ADGRB3: variants seen among roughly 807,000 people sequenced by gnomAD.
The protein encoded by ADGRB3 is brain-specific angiogenesis inhibitor 3.
ADGRB3 carries 37 observed loss-of-function variants against 193.4 expected under a neutral mutation model. The observed-to-expected ratio is 0.19, with a 90% CI of 0.15 to 0.25. The LOEUF (loss-of-function observed/expected upper bound fraction) is 0.25. Ranked by LOEUF, ADGRB3 falls within the 10% of genes least tolerant of loss-of-function variation. The pLI is 1.00. For synonymous variants in ADGRB3, 690 were observed against 644.2 expected (o/e 1.07, Z -1.08); for missense variants, 1,637 against 1,852.9 (o/e 0.88, Z 2.14).
chr6:68,989,112 A>T (rs1769161539), intron 10 of ADGRB3, among the ~76,000 whole-genome samples: 2 of 152,214 alleles, frequency 1.3e-5, no homozygotes, highest in Non-Finnish European at 2.9e-5. Flanking sequence ...ATATAAGTTT[A>T]CAATAATTAT....
chr6:68,692,623 G>A (rs1407074528), intron 3 of ADGRB3, among the ~76,000 whole-genome samples: 1 of 151,744 alleles, frequency 6.6e-6, no homozygotes, highest in African/African-American at 2.4e-5. Flanking sequence ...ACATTTACTA[G>A]CAATGTTCAA....
intron 16 of ADGRB3, among the ~76,000 whole-genome samples, chr6:69,067,931 G>T (rs1170421845): frequency 6.6e-6 from 1 of 152,024 alleles, no homozygotes; most frequent in African/African-American, 2.4e-5. Flanking sequence ...GTTGGAGCAG[G>T]GGGTCAGCAA....
chr6:69,156,433 A>G (rs1464342414), intron 17 of ADGRB3, among the ~76,000 whole-genome samples: 1 of 152,224 alleles, frequency 6.6e-6, no homozygotes, highest in African/African-American at 2.4e-5. Flanking sequence ...ATGAGGACAT[A>G]GCAAGACGAT....
intron 3 of ADGRB3, among the ~76,000 whole-genome samples, chr6:68,920,428 G>A (rs1409635151): frequency 6.8e-6 from 1 of 146,744 alleles, no homozygotes; most frequent in Non-Finnish European, 1.5e-5. Flanking sequence ...TGAGGCAGGA[G>A]AATGACGTGA....
rs542895368 is a variant in ADGRB3 at position 69,078,229 on chromosome 6, T to A, written c.2480+2191T>A. Among the ~76,000 whole-genome samples the A allele has an allele frequency of 2.2e-4, 34 of 152,126 alleles. No homozygotes were observed. The East Asian group carries it at 5.4e-3, about 24-fold the overall frequency. On this transcript the variant is annotated intron_variant, in intron 17 of 31. Transcript: ENST00000370598. ...TCAAGTTGCTGTTATTTTTAATTTTTAAAAATTGATTTTTAATTACAAAAG... is the reference window on the plus strand; with the variant it reads ...TCAAGTTGCTGTTATTTTTAATTTTAAAAAATTGATTTTTAATTACAAAAG...
At chr6:69,182,778 TG>T (rs11311044) in intron 17 of ADGRB3, among the ~76,000 whole-genome samples, 21,420 of 152,072 alleles carry the variant, frequency 0.14, 1,548 homozygotes, top group Middle Eastern at 0.16. Context: ...TTGTAGCATT[TG>T]TCAATTTCCA....
chr6:68,920,098 C>A (rs1246379730), intron 3 of ADGRB3, among the ~76,000 whole-genome samples: 1 of 152,116 alleles, frequency 6.6e-6, no homozygotes, highest in Non-Finnish European at 1.5e-5. Context: ...GGAAAACATT[C>A]AATGTGCTCT....
chr6:68,941,090 A>T (rs182911101), intron 5 of ADGRB3, among the ~76,000 whole-genome samples: 1 of 152,324 alleles, frequency 6.6e-6, no homozygotes, highest in Admixed American at 6.5e-5. Context: ...AAACTATAAA[A>T]ATGAAGGAAT....
intron 3 of ADGRB3, among the ~76,000 whole-genome samples, chr6:68,691,948 G>A (rs1462294416): frequency 6.6e-6 from 1 of 151,434 alleles, no homozygotes; most frequent in Non-Finnish European, 1.5e-5. Context: ...TTATTAACAG[G>A]TACTAATGAA....
intron 17 of ADGRB3, among the ~76,000 whole-genome samples, chr6:69,174,539 A>G (rs754085601): frequency 1.8e-4 from 27 of 152,218 alleles, no homozygotes; most frequent in Non-Finnish European, 3.2e-4. Flanking sequence ...TTGCTATTGT[A>G]AATAGTGCTG....
intron 3 of ADGRB3, among the ~76,000 whole-genome samples, chr6:68,860,735 A>G (rs501856): frequency 2.0e-5 from 3 of 151,934 alleles, no homozygotes; most frequent in Non-Finnish European, 4.4e-5. Flanking sequence ...TGATATGACA[A>G]TTTTTTTTCC....
In ADGRB3 at chr6:68,737,765, C is replaced by CA. The variant is rs961511065; in HGVS notation, c.757+98341dup. On this transcript the variant is annotated intron_variant, in intron 3 of 31. Coordinates refer to ENST00000370598, the MANE Select transcript of ADGRB3 (RefSeq NM_001704.3). Reference sequence around the variant, plus strand: ...ATAAATGACTCTTCCAAAGGAAAGCCAAAAAAAAGGTTAGACTGAAAGTCT... The same window carrying CA: ...ATAAATGACTCTTCCAAAGGAAAGCCAAAAAAAAAGGTTAGACTGAAAGTCT... Among the ~76,000 whole-genome samples the CA allele has an allele frequency of 6.6e-5, 10 of 150,772 alleles. No individual in the cohort carries two copies. In the South Asian group the frequency reaches 1.1e-3, roughly 16 times the overall value.
intron 3 of ADGRB3, among the ~76,000 whole-genome samples, chr6:68,663,299 C>T (rs1196094627): frequency 5.3e-5 from 8 of 151,474 alleles, no homozygotes; most frequent in African/African-American, 1.7e-4. Context: ...GAAGTGCTTC[C>T]TGATTTTTGA....
intron 3 of ADGRB3, among the ~76,000 whole-genome samples, chr6:68,743,644 G>T (rs527691329): frequency 6.6e-6 from 1 of 151,966 alleles, no homozygotes; most frequent in Non-Finnish European, 1.5e-5. Context: ...AAAGGAAATA[G>T]AAATTCCCCA....
At chr6:68,701,434 C>T (rs1490878889) in intron 3 of ADGRB3, among the ~76,000 whole-genome samples, 1 of 152,158 alleles carries the variant, frequency 6.6e-6, no homozygotes, top group Non-Finnish European at 1.5e-5. Flanking sequence ...AATCCAGTCA[C>T]ACTCAATACA....
chr6:68,915,822 G>A (rs529652213), intron 3 of ADGRB3, among the ~76,000 whole-genome samples: 1 of 152,192 alleles, frequency 6.6e-6, no homozygotes, highest in South Asian at 2.1e-4. Context: ...CCGCACAGGT[G>A]TATGGTGTGA....
chr6:68,936,550 G>A lies in ADGRB3; in HGVS notation c.900G>A (p.Trp300Ter). 6.2e-7 allele frequency: 1 copy of A among 1,613,998 alleles called. No individual in the cohort carries two copies. The highest frequency in any genetic ancestry group is 8.5e-7 in the Non-Finnish European group (1 of 1,179,960). The part of the protein sequence containing the change: ...GESGVEEWSQ[W>*]STCSVTCGQG... ...CTGGTGTGGAAGAGTGGTCCCAGTGGAGCACATGTTCGGTTACTTGTGGTC... is the reference window on the plus strand; with the variant it reads ...CTGGTGTGGAAGAGTGGTCCCAGTGAAGCACATGTTCGGTTACTTGTGGTC... The change falls in exon 5 of 32, where the codon TGG (tryptophan) becomes TGA (stop). Residue 300 changes from tryptophan (W) to a stop codon, truncating the protein, a stop_gained. Transcript: ENST00000370598. LOFTEE classifies it high-confidence loss of function.
In ADGRB3 at chr6:69,199,969, C is replaced by CA. The variant is rs370962588; in HGVS notation, c.2481-33312dup. ...AGTTTTTGAGCCATTCAATGTTGATCAAAAAAAAAGGTTTAAGATGAAAAA... is the reference window on the plus strand; with the variant it reads ...AGTTTTTGAGCCATTCAATGTTGATCAAAAAAAAAAGGTTTAAGATGAAAAA... On this transcript the variant is annotated intron_variant, in intron 17 of 31. Transcript: ENST00000370598. Among the ~76,000 whole-genome samples, 230 of 149,480 alleles carry CA rather than the reference C, an allele frequency of 1.5e-3. 1 individual carries two copies. The highest frequency in any genetic ancestry group is 2.5e-3 in the Non-Finnish European group (165 of 67,256).
intron 20 of ADGRB3, among the ~76,000 whole-genome samples, chr6:69,239,916 A>T (rs1766349126): frequency 6.6e-6 from 1 of 152,042 alleles, no homozygotes; most frequent in African/African-American, 2.4e-5. Context: ...AAGTAAACTT[A>T]CCCCTGCCTC....
Sources: allele counts gnomAD v4.1 joint callset (sites outside exome capture counted in the v4.1 genomes callset), GRCh38; gene constraint gnomAD v4.1.1; transcripts MANE v1.5; gene names NCBI Gene and HGNC (gene_info 2026-07-23, HGNC 2026-07-21).